Variants in MTCH2 observed in about 807,000 individuals in gnomAD.
The protein encoded by MTCH2 is mitochondrial carrier 2.
In MTCH2, 25 loss-of-function variants were observed where a neutral mutation model predicts 50.6. The observed-to-expected ratio is 0.49, with a 90% CI of 0.36 to 0.69. The LOEUF is 0.69. MTCH2 is among the 30% of genes least tolerant of loss of function. The pLI is 0.00. For synonymous variants in MTCH2, 106 were observed against 132.0 expected, an observed-to-expected ratio of 0.80 and a Z score of 1.35; for missense variants, 273 against 384.4, an observed-to-expected ratio of 0.71 and a Z score of 2.42.
the MTCH2 span, among the ~76,000 whole-genome samples, chr11:47,610,388 T>C: frequency 6.6e-6 from 1 of 152,152 alleles, no homozygotes; most frequent in Non-Finnish European, 1.5e-5. Flanking sequence ...AAATATTTAC[T>C]CTATGCCAGA....
rs541115048 is a variant in MTCH2, at chr11:47,639,710, C to T, written c.88-659G>A. The stretch of plus-strand genomic sequence containing the variant: ...AAAATTAGCCGGGCGTAGGGGCGGG[C>T]GCCTGTAATCTCAGCTACTTGGGAG... On this transcript the variant is annotated intron_variant, in intron 1 of 12. Transcript: ENST00000302503. Among the ~76,000 whole-genome samples the T allele has an allele frequency of 3.3e-5, 5 of 151,908 alleles. No individual in the cohort carries two copies. In the South Asian group the frequency reaches 1.0e-3, roughly 32 times the overall value.
At chr11:47,612,340 G>A (rs2097286079), downstream of MTCH2, among the ~76,000 whole-genome samples, 1 of 152,130 alleles carries the variant, frequency 6.6e-6, no homozygotes, top group Non-Finnish European at 1.5e-5. Context: ...GGCTGAGATG[G>A]GCGGATCATG....
intron 12 of MTCH2, among the ~76,000 whole-genome samples, chr11:47,619,531 G>A (rs1179934597): frequency 2.0e-5 from 3 of 151,808 alleles, no homozygotes; most frequent in African/African-American, 4.8e-5. Flanking sequence ...CACCATACCC[G>A]GCCTATTTAT....
At chr11:47,613,347 T>C (rs1439291067), downstream of MTCH2, among the ~76,000 whole-genome samples, 1 of 152,122 alleles carries the variant, frequency 6.6e-6, no homozygotes, top group Non-Finnish European at 1.5e-5. Context: ...ACAAATATCT[T>C]TGTATTTAAA....
intron 10 of MTCH2, 93 bp downstream of exon 10, chr11:47,626,987 C>T: frequency 1.1e-6 from 1 of 944,556 alleles, no homozygotes; most frequent in Non-Finnish European, 1.6e-6. Flanking sequence ...ATCTGGTTAT[C>T]TTAAAGCAGT....
chr11:47,639,195 G>T, intron 1 of MTCH2, 144 bp from the exon 2 acceptor site: 5 of 686,696 alleles, frequency 7.3e-6, no homozygotes, highest in Non-Finnish European at 1.2e-5. Context: ...CAATGATGAA[G>T]CATCATTCTT....
chr11:47,633,278 T>G (rs888624610), intron 5 of MTCH2, among the ~76,000 whole-genome samples: 5 of 148,406 alleles, frequency 3.4e-5, no homozygotes, highest in African/African-American at 1.2e-4. Flanking sequence ...CCCAGCTAAT[T>G]TTTTTGTATT....
At chr11:47,637,744 A>G (rs1376945678) in intron 3 of MTCH2, among the ~76,000 whole-genome samples, 2 of 152,156 alleles carry the variant, frequency 1.3e-5, no homozygotes, top group Admixed American at 1.3e-4. Context: ...TTCTCTTGTA[A>G]AAAGAATTGT....
chr11:47,627,032 C>CAA, intron 10 of MTCH2, 48 bp downstream of exon 10: 6 of 1,442,482 alleles, frequency 4.2e-6, no homozygotes, highest in Non-Finnish European at 5.7e-6. Context: ...GAAAACAAAA[C>CAA]AAAACACAAC....
chr11:47,615,563 C>A (rs2097287894), downstream of MTCH2, among the ~76,000 whole-genome samples: 4 of 151,422 alleles, frequency 2.6e-5, no homozygotes. Flanking sequence ...ATAGTTAAGT[C>A]AAGGTATGCT....
intron 8 of MTCH2, among the ~76,000 whole-genome samples, chr11:47,629,765 C>CA (rs1044539511): frequency 1.4e-5 from 2 of 143,560 alleles, no homozygotes; most frequent in African/African-American, 2.6e-5. Context: ...AAAAAAAAAA[C>CA]AAAAAACACC....
intron 7 of MTCH2, 128 bp downstream of exon 7, chr11:47,630,908 G>T: frequency 1.2e-6 from 1 of 849,728 alleles, no homozygotes; most frequent in Non-Finnish European, 1.9e-6. Context: ...TTTTTGTGCA[G>T]ATCAAATGAC....
the MTCH2 span, among the ~76,000 whole-genome samples, chr11:47,608,488 C>A: frequency 2.7e-3 from 413 of 152,164 alleles, 1 homozygote; most frequent in Non-Finnish European, 4.3e-3. Context: ...AACTTTACAC[C>A]CACTTTCTAT....
chr11:47,615,834 C>T (rs1021359259), downstream of MTCH2, among the ~76,000 whole-genome samples: 12 of 150,806 alleles, frequency 8.0e-5, no homozygotes, highest in Non-Finnish European at 1.8e-4. Context: ...CCATGTTGGT[C>T]AGGCTGGTCT....
rs2097290217 is a variant in MTCH2, at chr11:47,618,658, G to T, written c.*175C>A. 1 of 539,614 alleles carries T rather than the reference G, an allele frequency of 1.9e-6. No individual in the cohort carries two copies. Among genetic ancestry groups the T allele is most frequent in the Non-Finnish European group, 3.2e-6 (1 of 314,556 alleles). The allele number at this position is 539,614 out of a possible 1,614,324, so 33.4% of individuals were successfully genotyped here. A position where few individuals can be genotyped will look rare whatever the true frequency, so the allele number is the denominator to read the frequency against. On this transcript the variant is annotated 3_prime_UTR_variant, in exon 13 of 13. Coordinates refer to ENST00000302503, the MANE Select transcript of MTCH2 (RefSeq NM_014342.4). ...AATAACTAAAGGGGGAGTATCAGTG[G>T]TAAGTTATGTTGTGCTGGAAAAAAG...
Position 47,642,474 on chromosome 11 carries a change from C to T in MTCH2, c.-9G>A. Reference sequence around the variant, plus strand: ...CTGGCCGCGTCCGCCATGATGGCACCCGCGGGCGGACGGACAGACAGACGG... The same window carrying T: ...CTGGCCGCGTCCGCCATGATGGCACTCGCGGGCGGACGGACAGACAGACGG... On this transcript the variant is annotated 5_prime_UTR_variant, in exon 1 of 13. Transcript: ENST00000302503. The T allele has an allele frequency of 1.4e-6, 2 of 1,445,848 alleles. No individual in the cohort carries two copies. The highest frequency in any genetic ancestry group is 2.1e-5 in the African/African-American group (1 of 48,508). The allele number at this position is 1,445,848 out of a possible 1,614,324, so 89.6% of individuals were successfully genotyped here.
chr11:47,613,662 T>G (rs1477974060), downstream of MTCH2, among the ~76,000 whole-genome samples: 1 of 152,212 alleles, frequency 6.6e-6, no homozygotes, highest in Non-Finnish European at 1.5e-5. Flanking sequence ...TTTTCAGTTG[T>G]TTCCGCTATT....
At chr11:47,632,727 C>G (rs1565971695) in intron 5 of MTCH2, among the ~76,000 whole-genome samples, 1 of 151,644 alleles carries the variant, frequency 6.6e-6, no homozygotes, top group Non-Finnish European at 1.5e-5. Context: ...GAGACAGAGT[C>G]TTGCTCTGTT....
At chr11:47,620,490 A>G (rs2097292330) in intron 12 of MTCH2, among the ~76,000 whole-genome samples, 1 of 151,612 alleles carries the variant, frequency 6.6e-6, no homozygotes. Context: ...CAAAAACAAA[A>G]CAAAACAAAA....
Sources: allele counts gnomAD v4.1 joint callset (sites outside exome capture counted in the v4.1 genomes callset), GRCh38; gene constraint gnomAD v4.1.1; transcripts MANE v1.5; gene names NCBI Gene and HGNC (gene_info 2026-07-23, HGNC 2026-07-21).